Variants in PTPRD observed in about 807,000 individuals in gnomAD.
PTPRD encodes receptor-type tyrosine-protein phosphatase delta.
In PTPRD, 34 loss-of-function variants were observed where a neutral mutation model predicts 214.5. The ratio of observed to expected loss-of-function variants is 0.16; its 90% CI spans 0.12 to 0.21. The LOEUF is 0.21. PTPRD is among the 10% of genes least tolerant of loss of function. The pLI is 1.00. For missense variants in PTPRD, 2,545 were observed against 2,398.7 expected, an observed-to-expected ratio of 1.06 and a Z score of -1.27; for synonymous variants, 1,128 against 845.7, an observed-to-expected ratio of 1.33 and a Z score of -5.79.
intron 9 of PTPRD, among the ~76,000 whole-genome samples, chr9:9,307,316 C>G (rs1399807394): frequency 6.6e-6 from 1 of 152,092 alleles, no homozygotes; most frequent in Non-Finnish European, 1.5e-5. Flanking sequence ...AGGCACGTAC[C>G]AGCAATGCTT....
rs147637639 is a variant in PTPRD at position 10,375,782 on chromosome 9, C to A, written c.-599-34765G>T. Among the ~76,000 whole-genome samples the A allele has an allele frequency of 2.0e-5, 3 of 151,952 alleles. 1 individual carries two copies. Among genetic ancestry groups the A allele is most frequent in the Non-Finnish European group, 2.9e-5 (2 of 67,926 alleles). ...CTTTGAGATTTTTTACCAAGTGACT[C>A]TGAAAATCTTGGGTATTCTCTTCAG... On this transcript the variant is annotated intron_variant, in intron 2 of 45. Coordinates refer to ENST00000381196, the MANE Select transcript of PTPRD (RefSeq NM_002839.4).
chr9:9,899,326 C>T (rs901695937), intron 5 of PTPRD, among the ~76,000 whole-genome samples: 1 of 151,672 alleles, frequency 6.6e-6, no homozygotes, highest in African/African-American at 2.4e-5. Flanking sequence ...GGATTAATAT[C>T]CAATAAATAA....
At chr9:9,101,309 T>C (rs942914559) in intron 10 of PTPRD, among the ~76,000 whole-genome samples, 10 of 152,170 alleles carry the variant, frequency 6.6e-5, no homozygotes, top group Non-Finnish European at 1.0e-4. Context: ...ATTAGGTAGA[T>C]AGTAGTTTCT....
chr9:10,388,461 T>C (rs1056515971), intron 2 of PTPRD, among the ~76,000 whole-genome samples: 2 of 134,020 alleles, frequency 1.5e-5, no homozygotes, highest in Non-Finnish European at 3.1e-5. Context: ...GTGGAATGAA[T>C]GTCTAAATGG....
chr9:9,025,146 T>C (rs324490), intron 10 of PTPRD, among the ~76,000 whole-genome samples: 116,755 of 151,862 alleles, frequency 0.77, 45,481 homozygotes, highest in Middle Eastern at 0.84. Context: ...TGTGCAAACA[T>C]TTTTCATTGC....
rs138293869 is a variant in PTPRD at position 8,743,797 on chromosome 9, CAATAATAAT to C, written c.-103-9860_-103-9852del. Among the ~76,000 whole-genome samples, 512 of 138,322 alleles carry C rather than the reference CAATAATAAT, an allele frequency of 3.7e-3. 2 individuals are homozygous for C. The highest frequency in any genetic ancestry group is 8.3e-3 in the African/African-American group (283 of 33,958). The allele number at this position is 138,322 out of a possible 152,430, so 90.7% of individuals were successfully genotyped here. On this transcript the variant is annotated intron_variant, in intron 11 of 45. Transcript: ENST00000381196. Reference sequence around the variant, plus strand: ...AAAGCTTCTGCACAGCAAAAAATAACAATAATAATAATAATAATAATAATAATAATAATA... The same window carrying C: ...AAAGCTTCTGCACAGCAAAAAATAACAATAATAATAATAATAATAATAATA...
chr9:8,623,400 G>A (rs1466951765), intron 14 of PTPRD, among the ~76,000 whole-genome samples: 1 of 151,874 alleles, frequency 6.6e-6, no homozygotes, highest in Non-Finnish European at 1.5e-5. Context: ...CCAAATGGTG[G>A]CATCTGGACC....
intron 10 of PTPRD, among the ~76,000 whole-genome samples, chr9:9,057,292 A>G (rs924242110): frequency 6.6e-6 from 1 of 152,126 alleles, no homozygotes; most frequent in Non-Finnish European, 1.5e-5. Flanking sequence ...CTTGGCAATG[A>G]TATATTTTTT....
chr9:9,218,426 C>T (rs1338444449), intron 9 of PTPRD, among the ~76,000 whole-genome samples: 4 of 152,118 alleles, frequency 2.6e-5, no homozygotes, highest in African/African-American at 9.7e-5. Flanking sequence ...TAATCCTGCA[C>T]CTCTTTTTCT....
intron 2 of PTPRD, among the ~76,000 whole-genome samples, chr9:10,490,136 T>A (rs1194425343): frequency 6.6e-6 from 1 of 152,194 alleles, no homozygotes; most frequent in Non-Finnish European, 1.5e-5. Flanking sequence ...ATTGTTTAAG[T>A]GATCAATCCA....
chr9:9,887,179 A>G (rs531976518), intron 5 of PTPRD, among the ~76,000 whole-genome samples: 4 of 152,064 alleles, frequency 2.6e-5, no homozygotes, highest in African/African-American at 7.2e-5. Context: ...TTTTTTCTCA[A>G]TTAGAAAGCC....
chr9:10,592,481 G>T (rs1275712197), intron 2 of PTPRD, among the ~76,000 whole-genome samples: 2 of 151,980 alleles, frequency 1.3e-5, no homozygotes, highest in Non-Finnish European at 2.9e-5. Flanking sequence ...CATGAATAAA[G>T]ACTTGGGACC....
At chr9:10,313,693 C>T (rs1309709653) in intron 3 of PTPRD, among the ~76,000 whole-genome samples, 2 of 151,942 alleles carry the variant, frequency 1.3e-5, no homozygotes, top group Non-Finnish European at 2.9e-5. Flanking sequence ...CCAGGACCAG[C>T]CACTTGGATG....
At chr9:9,817,316 T>C (rs914666918) in intron 5 of PTPRD, among the ~76,000 whole-genome samples, 36 of 152,160 alleles carry the variant, frequency 2.4e-4, no homozygotes, top group African/African-American at 8.7e-4. Context: ...GTTTTTAGAT[T>C]AACATACTTA....
At chr9:9,621,294 A>G (rs1377510954) in intron 7 of PTPRD, among the ~76,000 whole-genome samples, 2 of 152,226 alleles carry the variant, frequency 1.3e-5, no homozygotes, top group Non-Finnish European at 2.9e-5. Flanking sequence ...TTTCATGTTC[A>G]TAAAAACATT....
At chr9:8,959,008 G>A (rs765186401) in intron 11 of PTPRD, among the ~76,000 whole-genome samples, 6 of 151,984 alleles carry the variant, frequency 3.9e-5, no homozygotes, top group Admixed American at 6.6e-5. Flanking sequence ...CATGGCAACT[G>A]AGACAGGTCC....
At chr9:10,561,354 A>T (rs761322756) in intron 2 of PTPRD, among the ~76,000 whole-genome samples, 1 of 151,926 alleles carries the variant, frequency 6.6e-6, no homozygotes, top group African/African-American at 2.4e-5. Context: ...TACTTTTGAC[A>T]TGGAGTAGTC....
intron 4 of PTPRD, among the ~76,000 whole-genome samples, chr9:9,967,178 C>A (rs941388925): frequency 1.3e-5 from 2 of 152,126 alleles, no homozygotes; most frequent in Non-Finnish European, 2.9e-5. Flanking sequence ...AATGCCTCAG[C>A]CACTCTTTGC....
chr9:8,978,549 A>C (rs2154338534), intron 11 of PTPRD, among the ~76,000 whole-genome samples: 1 of 152,246 alleles, frequency 6.6e-6, no homozygotes, highest in South Asian at 2.1e-4. Context: ...CAGACCTATC[A>C]GAGTTAGCTG....
Sources: allele counts gnomAD v4.1 joint callset (sites outside exome capture counted in the v4.1 genomes callset), GRCh38; gene constraint gnomAD v4.1.1; transcripts MANE v1.5; gene names NCBI Gene and HGNC (gene_info 2026-07-23, HGNC 2026-07-21).